Variants in NOTCH2NLR observed in about 807,000 individuals in gnomAD.
The protein encoded by NOTCH2NLR is notch 2 N-terminal like R (pseudogene).
Under a neutral mutation model 35.6 loss-of-function variants are expected in NOTCH2NLR, and 33 were observed. The observed-to-expected ratio is 0.93, with a 90% confidence interval of 0.70 to 1.24. The LOEUF (loss-of-function observed/expected upper bound fraction) is 1.24. Ranked by LOEUF, NOTCH2NLR falls within the 50% of genes most tolerant of loss-of-function variation. NOTCH2NLR has a pLI of 0.00. For synonymous variants in NOTCH2NLR, 103 were observed against 141.0 expected, an observed-to-expected ratio of 0.73 and a Z score of 1.91; for missense variants, 276 against 362.2, an observed-to-expected ratio of 0.76 and a Z score of 1.93.
At chr1:120,734,397 C>A (rs1650893358) in intron 1 of NOTCH2NLR, among the ~76,000 whole-genome samples, 3 of 84,046 alleles carry the variant, frequency 3.6e-5, no homozygotes, top group South Asian at 3.7e-4. Context: ...TGAAGGATTA[C>A]AATATTTTCT....
rs1272440387 is a variant in NOTCH2NLR at position 120,784,482 on chromosome 1, C to G, written c.156-492C>G. ...TGTTATGGCCTTTGCATTTGCTGTT[C>G]CCTTTCTCATGAATGTGTTTCCCTA... On this transcript the variant is annotated intron_variant, in intron 2 of 4. Coordinates refer to ENST00000624419, the Ensembl canonical transcript of NOTCH2NLR. Among the ~76,000 whole-genome samples the G allele has an allele frequency of 3.4e-5, 4 of 116,674 alleles. 1 individual carries two copies. The highest frequency in any genetic ancestry group is 6.6e-5 in the Non-Finnish European group (4 of 60,812). The allele number at this position is 116,674 out of a possible 152,430, so 76.5% of individuals were successfully genotyped here.
In NOTCH2NLR at chr1:120,763,666, A is replaced by G. The variant is rs1210924460; in HGVS notation, c.112A>G (p.Lys38Glu). The G allele has an allele frequency of 6.2e-5, 88 of 1,416,892 alleles. 20 individuals carry two copies. Among genetic ancestry groups the G allele is most frequent in the East Asian group, 5.2e-4 (22 of 42,596 alleles). 87.8% of individuals were successfully genotyped at this position (1,416,892 alleles called of 1,614,324 possible). A position where few individuals can be genotyped will look rare whatever the true frequency, so the allele number is the denominator to read the frequency against. ...AGATGGCTATGAACCCTGTGTAAATAAAGGAATGTGTGTTACCTACCACAG... is the reference window on the plus strand; with the variant it reads ...AGATGGCTATGAACCCTGTGTAAATGAAGGAATGTGTGTTACCTACCACAG... Residue 38 changes from lysine to glutamate, a missense_variant, in exon 2 of 5, where the codon AAA (lysine) becomes GAA (glutamate). By Grantham distance (56) the Lys-to-Glu change is moderately conservative. Transcript: ENST00000624419.
chr1:120,789,548 A>G (rs1172440989), intron 3 of NOTCH2NLR, among the ~76,000 whole-genome samples: 1 of 105,864 alleles, frequency 9.4e-6, no homozygotes, highest in Non-Finnish European at 1.7e-5. Context: ...ATTCACTATC[A>G]TGAGAATAGC....
rs878887050 is a variant in NOTCH2NLR at position 120,793,586 on chromosome 1, G to T, written c.751+90G>T. 1.3e-5 allele frequency: 13 copies of T among 1,009,620 alleles called. 3 individuals carry two copies. Among genetic ancestry groups the T allele is most frequent in the African/African-American group, 6.6e-5 (2 of 30,280 alleles). 62.5% of individuals were successfully genotyped at this position (1,009,620 alleles called of 1,614,324 possible). On this transcript the variant is annotated intron_variant, in intron 4 of 4. Coordinates refer to ENST00000624419, the Ensembl canonical transcript of NOTCH2NLR. Reference sequence around the variant, plus strand: ...GGCTCAATTGCATTTTTTAGGAAGCGCAAGGAAAAAGGGAAGTGAGAATTT... The same window carrying T: ...GGCTCAATTGCATTTTTTAGGAAGCTCAAGGAAAAAGGGAAGTGAGAATTT...
Position 120,742,371 on chromosome 1 carries a change from G to T in NOTCH2NLR, c.73+18121G>T, listed in dbSNP as rs1650948306. Among the ~76,000 whole-genome samples the T allele has an allele frequency of 7.7e-5, 2 of 25,832 alleles. 1 individual carries two copies. Among genetic ancestry groups the T allele is most frequent in the African/African-American group, 1.2e-3 (2 of 1,622 alleles). The allele number at this position is 25,832 out of a possible 152,430, so 16.9% of individuals were successfully genotyped here. ...TGTGTGTGTGTTGGGAGGAGGAATA[G>T]ACCTTGGAATTGTTTTTTCAAAACT... On this transcript the variant is annotated intron_variant, in intron 1 of 4. Coordinates refer to ENST00000624419, the Ensembl canonical transcript of NOTCH2NLR.
At chr1:120,777,749 T>C (rs1651314966) in intron 2 of NOTCH2NLR, among the ~76,000 whole-genome samples, 2 of 95,746 alleles carry the variant, frequency 2.1e-5, no homozygotes, top group Admixed American at 2.0e-4. Context: ...TTCCCCTCTT[T>C]ACCAGGAAGT....
intron 1 of NOTCH2NLR, among the ~76,000 whole-genome samples, chr1:120,729,734 C>T (rs1650856037): frequency 8.6e-6 from 1 of 116,924 alleles, no homozygotes; most frequent in Non-Finnish European, 1.6e-5. Context: ...ATAAGAATAG[C>T]TCAGGTGTTC....
chr1:120,784,580 T>A (rs1174654434), intron 2 of NOTCH2NLR, among the ~76,000 whole-genome samples: 1 of 117,994 alleles, frequency 8.5e-6, no homozygotes, highest in Non-Finnish European at 1.6e-5. Context: ...CTTCTCTGAT[T>A]TTCCTATTCT....
At chr1:120,787,793 A>AATCT in intron 3 of NOTCH2NLR, among the ~76,000 whole-genome samples, 1 of 38,128 alleles carries the variant, frequency 2.6e-5, no homozygotes, top group Non-Finnish European at 4.0e-5. Flanking sequence ...GAAGTCAATA[A>AATCT]ATCTTATGTC....
intron 1 of NOTCH2NLR, among the ~76,000 whole-genome samples, chr1:120,729,048 A>G (rs1317929826): frequency 2.6e-5 from 3 of 115,638 alleles, no homozygotes; most frequent in Non-Finnish European, 4.9e-5. Flanking sequence ...TAGTCACAGC[A>G]TCTATGACTC....
chr1:120,768,583 A>T (rs1651220425), intron 2 of NOTCH2NLR, among the ~76,000 whole-genome samples: 1 of 109,256 alleles, frequency 9.2e-6, no homozygotes, highest in South Asian at 2.7e-4. Flanking sequence ...CTTCTGCTGC[A>T]TGAACTGGGG....
At chr1:120,727,716 C>T (rs1272715942) in intron 1 of NOTCH2NLR, among the ~76,000 whole-genome samples, 1 of 113,426 alleles carries the variant, frequency 8.8e-6, no homozygotes, top group East Asian at 2.1e-4. Context: ...TCCATAGTTA[C>T]ATGCTTCCTT....
At position 120,763,659 on chromosome 1, in the gene NOTCH2NLR, T is replaced by A. The variant is rs1479654135; in HGVS notation, c.105T>A (p.Cys35Ter). 149 of 1,414,012 alleles carry A rather than the reference T, an allele frequency of 1.1e-4. 28 individuals carry two copies. The highest frequency in any genetic ancestry group is 1.4e-4 in the Non-Finnish European group (144 of 1,055,704). 87.6% of individuals were successfully genotyped at this position (1,414,012 alleles called of 1,614,324 possible). Residue 35 changes from cysteine (C) to a stop codon, truncating the protein, a stop_gained, in exon 2 of 5, where the codon TGT becomes TGA. Transcript: ENST00000624419. LOFTEE classifies it high-confidence loss of function. ...AGTGTCGAGATGGCTATGAACCCTGTGTAAATAAAGGAATGTGTGTTACCT... is the reference window on the plus strand; with the variant it reads ...AGTGTCGAGATGGCTATGAACCCTGAGTAAATAAAGGAATGTGTGTTACCT...
rs1445117401 is a variant in NOTCH2NLR, at chr1:120,764,024, G to A, written c.155+315G>A. Among the ~76,000 whole-genome samples the A allele has an allele frequency of 1.0e-4, 12 of 114,548 alleles. 1 individual carries two copies. The highest frequency in any genetic ancestry group is 1.7e-4 in the Non-Finnish European group (10 of 59,862). The allele number at this position is 114,548 out of a possible 152,430, so 75.1% of individuals were successfully genotyped here. A position where few individuals can be genotyped will look rare whatever the true frequency, so the allele number is the denominator to read the frequency against. On this transcript the variant is annotated intron_variant, in intron 2 of 4. Coordinates refer to ENST00000624419, the Ensembl canonical transcript of NOTCH2NLR. ...AGCACTTCAGGAGGCTGAGTTGGGC[G>A]AATCACGAGGTCAGGAGTTCAAGAT...
chr1:120,767,805 G>A lies in NOTCH2NLR; in HGVS notation c.155+4096G>A, dbSNP rs1164723798. ...TGATTAAAGATCATGGACAACTCAAGTTCACTAGGATTCTGGGGGTAGGTT... is the reference window on the plus strand; with the variant it reads ...TGATTAAAGATCATGGACAACTCAAATTCACTAGGATTCTGGGGGTAGGTT... On this transcript the variant is annotated intron_variant, in intron 2 of 4. Transcript: ENST00000624419. 2.4e-4 allele frequency among the ~76,000 whole-genome samples: 27 copies of A among 111,926 alleles called. 9 individuals carry two copies. The highest frequency in any genetic ancestry group is 1.5e-3 in the African/African-American group (27 of 18,540). The allele number at this position is 111,926 out of a possible 152,430, so 73.4% of individuals were successfully genotyped here. A position where few individuals can be genotyped will look rare whatever the true frequency, so the allele number is the denominator to read the frequency against.
chr1:120,762,621 A>T (rs1644337888), intron 1 of NOTCH2NLR, among the ~76,000 whole-genome samples: 1 of 59,980 alleles, frequency 1.7e-5, no homozygotes, highest in Admixed American at 1.7e-4. Flanking sequence ...ATGAGCTTCA[A>T]TTTGATATTT....
At position 120,728,780 on chromosome 1, in the gene NOTCH2NLR, A is replaced by G. The variant is rs1204138511; in HGVS notation, c.73+4530A>G. Among the ~76,000 whole-genome samples, 4 of 115,642 alleles carry G rather than the reference A, an allele frequency of 3.5e-5. 2 individuals carry two copies. The highest frequency in any genetic ancestry group is 2.0e-4 in the African/African-American group (4 of 19,584). The allele number at this position is 115,642 out of a possible 152,430, so 75.9% of individuals were successfully genotyped here. Reference sequence around the variant, plus strand: ...GATATTGCAAACTTGTACTGGATTGAGAGAATATGTACATTTAGTAAAGTA... The same window carrying G: ...GATATTGCAAACTTGTACTGGATTGGGAGAATATGTACATTTAGTAAAGTA... On this transcript the variant is annotated intron_variant, in intron 1 of 4. Coordinates refer to ENST00000624419, the Ensembl canonical transcript of NOTCH2NLR.
At chr1:120,770,751 C>T (rs1170282473) in intron 2 of NOTCH2NLR, among the ~76,000 whole-genome samples, 1 of 117,570 alleles carries the variant, frequency 8.5e-6, no homozygotes, top group African/African-American at 4.9e-5. Context: ...TCTCAGTTTG[C>T]CTGTCAATAA....
rs1187906003 is a variant in NOTCH2NLR, at chr1:120,760,195, T to C, written c.74-3433T>C. ...TCTACCACAGCTTTTTTTTTTTTTT[T>C]TTTTTTTTTTGAGATGGAGTCTCTC... On this transcript the variant is annotated intron_variant, in intron 1 of 4. Coordinates refer to ENST00000624419, the Ensembl canonical transcript of NOTCH2NLR. Among the ~76,000 whole-genome samples the C allele has an allele frequency of 6.9e-5, 4 of 58,296 alleles. 1 individual carries two copies. Among genetic ancestry groups the C allele is most frequent in the Non-Finnish European group, 1.1e-4 (4 of 35,060 alleles). The allele number at this position is 58,296 out of a possible 152,430, so 38.2% of individuals were successfully genotyped here.
Sources: allele counts gnomAD v4.1 joint callset (sites outside exome capture counted in the v4.1 genomes callset), GRCh38; gene constraint gnomAD v4.1.1; transcripts MANE v1.5; gene names NCBI Gene and HGNC (gene_info 2026-07-23, HGNC 2026-07-21).